Variants in PPM1E observed in about 807,000 individuals in gnomAD.
PPM1E encodes the protein protein phosphatase 1E.
PPM1E carries 20 observed loss-of-function variants against 65.9 expected under a neutral mutation model. That is an observed-to-expected ratio of 0.30 (90% CI 0.21 to 0.44). The LOEUF (loss-of-function observed/expected upper bound fraction) is 0.44. Among genes scored for constraint, PPM1E ranks in the 20% least tolerant of loss-of-function variants. The probability of loss-of-function intolerance (pLI) is 1.00; values close to 1 mark genes in which losing one functional copy is unlikely to be tolerated. For synonymous variants in PPM1E, 352 were observed against 374.9 expected (o/e 0.94, Z 0.70); for missense variants, 713 against 953.1 (o/e 0.75, Z 3.32).
intron 1 of PPM1E, among the ~76,000 whole-genome samples, chr17:58,954,501 A>G (rs534834701): frequency 2.0e-5 from 3 of 152,224 alleles, no homozygotes; most frequent in African/African-American, 7.2e-5. Flanking sequence ...CTCTGACTTT[A>G]TTCTGTGCCA....
chr17:58,793,181 T>G (rs187860875), intron 1 of PPM1E, among the ~76,000 whole-genome samples: 1 of 152,212 alleles, frequency 6.6e-6, no homozygotes, highest in Admixed American at 6.6e-5. Flanking sequence ...TACTCCCTTC[T>G]TCATCTTTTA....
intron 1 of PPM1E, among the ~76,000 whole-genome samples, chr17:58,839,767 G>C (rs2050699294): frequency 6.6e-6 from 1 of 152,170 alleles, no homozygotes; most frequent in African/African-American, 2.4e-5. Context: ...AAATCAACAA[G>C]GGAGGAAGCT....
At chr17:58,897,178 G>T (rs935783006) in intron 1 of PPM1E, among the ~76,000 whole-genome samples, 3 of 152,158 alleles carry the variant, frequency 2.0e-5, no homozygotes, top group Admixed American at 6.5e-5. Flanking sequence ...ACTTTGGGAG[G>T]CTGAGGCTGG....
intron 1 of PPM1E, among the ~76,000 whole-genome samples, chr17:58,930,866 G>A (rs867604682): frequency 1.3e-5 from 2 of 151,966 alleles, no homozygotes; most frequent in Non-Finnish European, 2.9e-5. Context: ...GAAGAATAAA[G>A]CTCAATAGAA....
chr17:58,852,502 A>T (rs551876876), intron 1 of PPM1E, among the ~76,000 whole-genome samples: 1 of 151,246 alleles, frequency 6.6e-6, no homozygotes, highest in African/African-American at 2.4e-5. Flanking sequence ...ATTAGTATGT[A>T]CCTCATTATA....
chr17:58,769,086 T>A (rs745529255), intron 1 of PPM1E, among the ~76,000 whole-genome samples: 6 of 152,114 alleles, frequency 3.9e-5, no homozygotes, highest in Non-Finnish European at 5.9e-5. Context: ...TAAAAAAAAA[T>A]GCATTATTTT....
In PPM1E at chr17:58,864,367, G is replaced by A. The variant is rs1329756049; in HGVS notation, c.465-91282G>A. On this transcript the variant is annotated intron_variant, in intron 1 of 6. Transcript: ENST00000308249. The stretch of plus-strand genomic sequence containing the variant: ...ATACTGTAGCATAATCTGGTCCGGT[G>A]CGGTGGCTCATGCCTGTAATCCCAT... Among the ~76,000 whole-genome samples the A allele has an allele frequency of 2.0e-5, 3 of 152,294 alleles. No individual in the cohort carries two copies. The East Asian group carries it at 5.8e-4, about 29-fold the overall frequency.
At chr17:58,957,344 T>C (rs573432824) in intron 2 of PPM1E, among the ~76,000 whole-genome samples, 1 of 152,346 alleles carries the variant, frequency 6.6e-6, no homozygotes, top group South Asian at 2.1e-4. Context: ...AGTGTTGCCC[T>C]ACATGCCTAC....
At chr17:58,816,741 A>AATATATAT (rs67568496) in intron 1 of PPM1E, among the ~76,000 whole-genome samples, 4 of 85,264 alleles carry the variant, frequency 4.7e-5, no homozygotes, top group Admixed American at 1.8e-4. Flanking sequence ...TCAGAATATA[A>AATATATAT]ATATATATAT....
chr17:58,948,656 C>A (rs1032795994), intron 1 of PPM1E, among the ~76,000 whole-genome samples: 1 of 152,148 alleles, frequency 6.6e-6, no homozygotes, highest in Non-Finnish European at 1.5e-5. Flanking sequence ...ATTTTTACTG[C>A]AGAGACATAT....
intron 1 of PPM1E, among the ~76,000 whole-genome samples, chr17:58,798,316 C>T (rs1379361818): frequency 6.6e-6 from 1 of 151,106 alleles, no homozygotes; most frequent in Non-Finnish European, 1.5e-5. Context: ...GCAACCTCCA[C>T]CTCCCGGGTT....
intron 1 of PPM1E, among the ~76,000 whole-genome samples, chr17:58,863,981 A>T (rs951490397): frequency 2.6e-5 from 4 of 151,280 alleles, no homozygotes; most frequent in Non-Finnish European, 4.4e-5. Flanking sequence ...GGAAATGGGG[A>T]TGTGAAGTTC....
At chr17:58,831,186 AT>A (rs1307354315) in intron 1 of PPM1E, among the ~76,000 whole-genome samples, 5 of 151,490 alleles carry the variant, frequency 3.3e-5, no homozygotes, top group Non-Finnish European at 5.9e-5. Context: ...AATTTTTTGT[AT>A]TTTTAGTAGA....
chr17:58,794,410 T>C (rs778290042), intron 1 of PPM1E, among the ~76,000 whole-genome samples: 16 of 152,170 alleles, frequency 1.1e-4, no homozygotes, highest in Non-Finnish European at 2.2e-4. Context: ...TGAAGTATTT[T>C]ATGTTATTTT....
At chr17:58,976,982 G>A (rs2031040391) in intron 6 of PPM1E, among the ~76,000 whole-genome samples, 2 of 152,058 alleles carry the variant, frequency 1.3e-5, no homozygotes, top group African/African-American at 2.4e-5. Flanking sequence ...TCCCATATTG[G>A]ATTTTATTTA....
chr17:58,763,379 G>C (rs1434074919), intron 1 of PPM1E, among the ~76,000 whole-genome samples: 1 of 152,064 alleles, frequency 6.6e-6, no homozygotes, highest in African/African-American at 2.4e-5. Flanking sequence ...TATCACTTCT[G>C]TTCATTTTCC....
intron 1 of PPM1E, among the ~76,000 whole-genome samples, chr17:58,925,318 C>A (rs1174193917): frequency 6.6e-6 from 1 of 151,982 alleles, no homozygotes; most frequent in South Asian, 2.1e-4. Flanking sequence ...TTGCGTTTCT[C>A]TAATCATTAG....
chr17:58,837,959 A>G (rs1361799342), intron 1 of PPM1E, among the ~76,000 whole-genome samples: 7 of 152,240 alleles, frequency 4.6e-5, no homozygotes, highest in Non-Finnish European at 1.0e-4. Flanking sequence ...ATCACTGACA[A>G]TAACGTGTTG....
intron 1 of PPM1E, among the ~76,000 whole-genome samples, chr17:58,894,801 G>C (rs1266744423): frequency 6.6e-6 from 1 of 151,480 alleles, no homozygotes; most frequent in Non-Finnish European, 1.5e-5. Context: ...TTTTGTATTT[G>C]AAATTTATTT....
Sources: gnomAD v4.1 joint callset for allele counts (sites outside exome capture counted in the v4.1 genomes callset) on GRCh38, gnomAD v4.1.1 for gene constraint, MANE v1.5 for transcripts, NCBI Gene and HGNC (gene_info 2026-07-23, HGNC 2026-07-21) for gene names.